KIF26B: variants seen among roughly 807,000 people sequenced by gnomAD.
The protein encoded by KIF26B is kinesin-like protein KIF26B.
In KIF26B, 63 loss-of-function variants were observed where a neutral mutation model predicts 151.2. That is an observed-to-expected ratio of 0.42 (90% CI 0.34 to 0.51). The LOEUF (loss-of-function observed/expected upper bound fraction) is 0.51. Ranked by LOEUF, KIF26B falls within the 20% of genes least tolerant of loss-of-function variation. The pLI is 0.07. For missense variants in KIF26B, 2,813 were observed against 2,913.6 expected (o/e 0.97, Z 0.79); for synonymous variants, 1,357 against 1,262.1 (o/e 1.08, Z -1.59).
rs76943923 is a variant in KIF26B at position 245,308,591 on chromosome 1, G to A, written c.466-58243G>A. ...AATACAAAATAAAAAGAGTAGCCGG[G>A]CATGGTAGCGTGCACCTGTAGTCCC... On this transcript the variant is annotated intron_variant, in intron 2 of 14. Coordinates refer to ENST00000407071, the MANE Select transcript of KIF26B (RefSeq NM_018012.4). 2.6e-4 allele frequency among the ~76,000 whole-genome samples: 40 copies of A among 152,282 alleles called. No homozygotes were observed. The East Asian group carries it at 7.1e-3, about 27-fold the overall frequency.
At chr1:245,503,641 C>G (rs1382852645) in intron 4 of KIF26B, among the ~76,000 whole-genome samples, 1 of 152,206 alleles carries the variant, frequency 6.6e-6, no homozygotes, top group Non-Finnish European at 1.5e-5. Flanking sequence ...AAGGGCATCC[C>G]AGCACCATGT....
chr1:245,216,779 G>A (rs1429767735), intron 2 of KIF26B, among the ~76,000 whole-genome samples: 1 of 152,160 alleles, frequency 6.6e-6, no homozygotes, highest in Non-Finnish European at 1.5e-5. Context: ...GGTTCTTTCT[G>A]GGCTAAATCA....
intron 10 of KIF26B, among the ~76,000 whole-genome samples, chr1:245,680,844 C>A (rs573825253): frequency 6.6e-6 from 1 of 152,322 alleles, no homozygotes; most frequent in Admixed American, 6.5e-5. Flanking sequence ...CGAGGTGGAG[C>A]GTGCAAAGCT....
At chr1:245,419,540 G>A (rs1197738006) in intron 3 of KIF26B, 39 bp from the exon 4 acceptor site, 5 of 1,568,882 alleles carry the variant, frequency 3.2e-6, no homozygotes, top group Non-Finnish European at 4.3e-6. Context: ...AAAGCAGTGA[G>A]CCACAGGTAA....
At chr1:245,355,243 T>G (rs370344473) in intron 2 of KIF26B, among the ~76,000 whole-genome samples, 1 of 152,034 alleles carries the variant, frequency 6.6e-6, no homozygotes, top group African/African-American at 2.4e-5. Context: ...TTTTTTCAGG[T>G]GCTGGGATGC....
At chr1:245,183,560 C>T (rs996168923) in intron 2 of KIF26B, among the ~76,000 whole-genome samples, 2 of 152,184 alleles carry the variant, frequency 1.3e-5, no homozygotes, top group African/African-American at 4.8e-5. Context: ...TTCTGTCCTT[C>T]ATTTTCTAAC....
intron 2 of KIF26B, among the ~76,000 whole-genome samples, chr1:245,316,971 T>A (rs1251403266): frequency 6.7e-6 from 1 of 149,772 alleles, no homozygotes; most frequent in Non-Finnish European, 1.5e-5. Flanking sequence ...ATGGATGCTG[T>A]AGTCAGGAGT....
chr1:245,417,530 T>C (rs1050592578), intron 3 of KIF26B, among the ~76,000 whole-genome samples: 4 of 152,184 alleles, frequency 2.6e-5, no homozygotes, highest in African/African-American at 9.7e-5. Context: ...AATTGATGAT[T>C]GAATAGTTCT....
intron 5 of KIF26B, among the ~76,000 whole-genome samples, chr1:245,552,379 G>T (rs372866078): frequency 6.6e-6 from 1 of 151,964 alleles, no homozygotes; most frequent in Non-Finnish European, 1.5e-5. Flanking sequence ...CATTATGGAA[G>T]GTCGTCTGAT....
chr1:245,578,151 C>T lies in KIF26B; in HGVS notation c.1351-24426C>T, dbSNP rs149690004. Among the ~76,000 whole-genome samples, 455 of 152,348 alleles carry T rather than the reference C, an allele frequency of 3.0e-3. 2 individuals are homozygous for T. Among genetic ancestry groups the T allele is most frequent in the African/African-American group, 9.7e-3 (404 of 41,580 alleles). On this transcript the variant is annotated intron_variant, in intron 5 of 14. Coordinates refer to ENST00000407071, the MANE Select transcript of KIF26B (RefSeq NM_018012.4). ...TCAACTTCTGTGATCTTCTACTAGA[C>T]GATATGGTTTAGAAATTCATAAGAT...
At chr1:245,679,457 GTTTTTTTT>G (rs35663208) in intron 10 of KIF26B, among the ~76,000 whole-genome samples, 34 of 59,210 alleles carry the variant, frequency 5.7e-4, no homozygotes, top group African/African-American at 1.3e-3. Flanking sequence ...TTTTGTGTGT[GTTTTTTTT>G]TTTTTTTTTT....
intron 2 of KIF26B, among the ~76,000 whole-genome samples, chr1:245,246,890 CACAGACACACACACACAG>C (rs1479762178): frequency 1.4e-5 from 2 of 142,734 alleles, no homozygotes; most frequent in Admixed American, 7.2e-5. Flanking sequence ...CACACACACA[CACAGACACACACACACAG>C]ACACAGACAC....
chr1:245,527,749 G>A (rs1017450571), intron 4 of KIF26B, among the ~76,000 whole-genome samples: 1 of 151,582 alleles, frequency 6.6e-6, no homozygotes, highest in African/African-American at 2.4e-5. Flanking sequence ...TAGCCAGGAT[G>A]GTCTCGATCT....
intron 12 of KIF26B, among the ~76,000 whole-genome samples, chr1:245,690,392 A>G (rs1253246494): frequency 6.6e-6 from 1 of 152,184 alleles, no homozygotes; most frequent in Non-Finnish European, 1.5e-5. Flanking sequence ...ATGGGGTGAG[A>G]CACAGATGTA....
chr1:245,521,907 C>T (rs913270537), intron 4 of KIF26B, among the ~76,000 whole-genome samples: 4 of 145,814 alleles, frequency 2.7e-5, no homozygotes, highest in Non-Finnish European at 6.2e-5. Flanking sequence ...GCTCTGTCAC[C>T]CAGGCTGGAT....
intron 3 of KIF26B, among the ~76,000 whole-genome samples, chr1:245,378,301 C>A (rs1177769): frequency 2.7e-5 from 4 of 150,780 alleles, no homozygotes; most frequent in East Asian, 2.0e-4. Flanking sequence ...CTTACCATCC[C>A]TCCCCCTTTT....
At chr1:245,413,103 T>G (rs1031641713) in intron 3 of KIF26B, among the ~76,000 whole-genome samples, 2 of 152,066 alleles carry the variant, frequency 1.3e-5, no homozygotes, top group Non-Finnish European at 2.9e-5. Flanking sequence ...CCAAATAAAA[T>G]CCCGTGGTGA....
chr1:245,548,860 C>T (rs1259973587), intron 5 of KIF26B, among the ~76,000 whole-genome samples: 1 of 152,082 alleles, frequency 6.6e-6, no homozygotes, highest in Non-Finnish European at 1.5e-5. Flanking sequence ...TCTCCTGCCT[C>T]AGCCTCCCGA....
chr1:245,518,034 G>T (rs1661010855), intron 4 of KIF26B, among the ~76,000 whole-genome samples: 1 of 151,996 alleles, frequency 6.6e-6, no homozygotes, highest in African/African-American at 2.4e-5. Flanking sequence ...ACAACAATCG[G>T]CTAATTTTTG....
Sources: allele counts gnomAD v4.1 joint callset (sites outside exome capture counted in the v4.1 genomes callset), GRCh38; gene constraint gnomAD v4.1.1; transcripts MANE v1.5; gene names NCBI Gene and HGNC (gene_info 2026-07-23, HGNC 2026-07-21).